Variants in STAM2 observed in about 807,000 individuals in gnomAD.
The protein encoded by STAM2 is signal transducing adapter molecule 2.
STAM2 carries 51 observed loss-of-function variants against 65.6 expected under a neutral mutation model. The ratio of observed to expected loss-of-function variants is 0.78; its 90% CI spans 0.62 to 0.98. The LOEUF (loss-of-function observed/expected upper bound fraction) is 0.98, where lower values mean the gene tolerates loss of function less well. STAM2 is among the 50% of genes least tolerant of loss of function. The pLI, the probability that STAM2 is intolerant of heterozygous loss-of-function variation, is 0.00. For missense variants in STAM2, 584 were observed against 617.8 expected (o/e 0.95, Z 0.58); for synonymous variants, 198 against 208.4 (o/e 0.95, Z 0.43).
At chr2:152,139,367 C>G (rs1689206213) in intron 7 of STAM2, among the ~76,000 whole-genome samples, 1 of 152,174 alleles carries the variant, frequency 6.6e-6, no homozygotes, top group African/African-American at 2.4e-5. Flanking sequence ...AGGCTAAGCA[C>G]TGAAATTACA....
chr2:152,161,983 C>T (rs753710969), intron 1 of STAM2, among the ~76,000 whole-genome samples: 9 of 152,134 alleles, frequency 5.9e-5, no homozygotes, highest in South Asian at 2.1e-4. Context: ...CCACCACACC[C>T]GGTTAATTCT....
chr2:152,175,697 T>C lies in STAM2; in HGVS notation c.-55A>G. The C allele has an allele frequency of 1.3e-6, 2 of 1,574,116 alleles. No individual in the cohort carries two copies. Among genetic ancestry groups the C allele is most frequent in the East Asian group, 2.4e-5 (1 of 42,474 alleles). ...TGTCTAGCTGACACTCAGCAACTGC[T>C]ACCCGCCGGGTGACCCGCGGCCGCG... On this transcript the variant is annotated 5_prime_UTR_variant, in exon 1 of 14. Coordinates refer to ENST00000263904, the MANE Select transcript of STAM2 (RefSeq NM_005843.6).
At chr2:152,158,104 T>C (rs1156450518) in intron 1 of STAM2, among the ~76,000 whole-genome samples, 10 of 152,140 alleles carry the variant, frequency 6.6e-5, no homozygotes, top group South Asian at 2.1e-4. Context: ...AATGCAAACA[T>C]TGGTGAATGC....
chr2:152,171,918 A>C (rs1164815729), intron 1 of STAM2, among the ~76,000 whole-genome samples: 1 of 152,246 alleles, frequency 6.6e-6, no homozygotes, highest in African/African-American at 2.4e-5. Flanking sequence ...CAAGAACCGG[A>C]GTTAAGGCTT....
chr2:152,153,881 T>TACAC (rs1365344105), intron 1 of STAM2, among the ~76,000 whole-genome samples: 5 of 83,402 alleles, frequency 6.0e-5, no homozygotes, highest in East Asian at 2.3e-4. Context: ...TTCCAGACAT[T>TACAC]ACATACACAC....
In STAM2 at chr2:152,135,543, A is replaced by C; in HGVS notation, c.765T>G (p.Phe255Leu). The C allele has an allele frequency of 6.2e-7, 1 of 1,612,870 alleles. No individual in the cohort carries two copies. Among genetic ancestry groups the C allele is most frequent in the Non-Finnish European group, 8.5e-7 (1 of 1,179,500 alleles). Residue 255 changes from phenylalanine to leucine, a missense_variant, in exon 8 of 14, where the codon TTT becomes TTG. Coordinates refer to ENST00000263904, the MANE Select transcript of STAM2 (RefSeq NM_005843.6). ...HRGIGLFPSN[F>L]VTTNLNIETE... Reference sequence around the variant, plus strand: ...TCTCTATGTTTAAATTAGTTGTTACAAAATTGGATGGGAAAAGTCCTATTC... The same window carrying C: ...TCTCTATGTTTAAATTAGTTGTTACCAAATTGGATGGGAAAAGTCCTATTC...
At chr2:152,166,160 C>T (rs1342802472) in intron 1 of STAM2, among the ~76,000 whole-genome samples, 2 of 150,490 alleles carry the variant, frequency 1.3e-5, no homozygotes, top group East Asian at 2.0e-4. Context: ...GGGGGCAGAG[C>T]AAGGCTCTGT....
rs2105521748 is a variant in STAM2 at position 152,117,055 on chromosome 2, T to C, written c.*3519A>G. On this transcript the variant is annotated 3_prime_UTR_variant, in exon 14 of 14. Transcript: ENST00000263904. ...CACATTGTGACATTCCAGGTGTACA[T>C]GAAATTTGGAGGGACACTATTCACT... is the stretch of plus-strand genomic sequence containing the variant. 6.6e-6 allele frequency: 1 copy of C among 152,256 alleles called. No homozygotes were observed. The highest frequency in any genetic ancestry group is 2.1e-4 in the South Asian group (1 of 4,828). The allele number at this position is 152,256 out of a possible 1,614,324, so 9.4% of individuals were successfully genotyped here. A position where few individuals can be genotyped will look rare whatever the true frequency, so the allele number is the denominator to read the frequency against.
intron 1 of STAM2, among the ~76,000 whole-genome samples, chr2:152,164,657 C>T (rs998213974): frequency 6.6e-6 from 1 of 152,112 alleles, no homozygotes; most frequent in South Asian, 2.1e-4. Context: ...ACTCCATTTA[C>T]TAAACCATAT....
intron 1 of STAM2, among the ~76,000 whole-genome samples, chr2:152,163,069 T>C (rs185149029): frequency 5.5e-4 from 84 of 152,350 alleles, no homozygotes; most frequent in Admixed American, 1.8e-3. Flanking sequence ...CAAATCACTA[T>C]ATTAAACTGC....
chr2:152,157,889 C>G (rs1689581510), intron 1 of STAM2, among the ~76,000 whole-genome samples: 1 of 152,278 alleles, frequency 6.6e-6, no homozygotes, highest in African/African-American at 2.4e-5. Context: ...CCTGACAGAA[C>G]AAAACTCAAC....
At chr2:152,165,092 A>G (rs1194628265) in intron 1 of STAM2, among the ~76,000 whole-genome samples, 2 of 152,138 alleles carry the variant, frequency 1.3e-5, no homozygotes, top group Non-Finnish European at 2.9e-5. Flanking sequence ...CCTATTAGGA[A>G]GCATAATGTG....
chr2:152,131,229 C>T (rs537966848), intron 11 of STAM2, among the ~76,000 whole-genome samples: 22 of 152,036 alleles, frequency 1.4e-4, no homozygotes, highest in Non-Finnish European at 2.4e-4. Flanking sequence ...CCAAGTTGGG[C>T]AGATTACAAG....
chr2:152,122,543 A>G (rs886133812), intron 13 of STAM2, among the ~76,000 whole-genome samples: 4 of 151,904 alleles, frequency 2.6e-5, no homozygotes, highest in African/African-American at 9.7e-5. Flanking sequence ...AGTGTTACCA[A>G]ACATAGCAAA....
At chr2:152,155,679 G>A (rs74602891) in intron 1 of STAM2, among the ~76,000 whole-genome samples, 2,637 of 152,238 alleles carry the variant, frequency 0.017, 68 homozygotes, top group African/African-American at 0.06. Flanking sequence ...TGTTTATGAT[G>A]CAGTTTTTGC....
intron 1 of STAM2, among the ~76,000 whole-genome samples, chr2:152,160,819 G>A (rs1439917275): frequency 1.4e-5 from 2 of 147,080 alleles, no homozygotes; most frequent in Non-Finnish European, 3.0e-5. Flanking sequence ...CGTCCGGGAA[G>A]GTGGTGGGGG....
At chr2:152,166,413 T>C (rs985768680) in intron 1 of STAM2, among the ~76,000 whole-genome samples, 1 of 152,226 alleles carries the variant, frequency 6.6e-6, no homozygotes, top group Non-Finnish European at 1.5e-5. Context: ...TTTATTTTGA[T>C]ATCTGGGTGA....
chr2:152,143,337 A>G (rs995071474), intron 7 of STAM2, among the ~76,000 whole-genome samples: 1 of 152,218 alleles, frequency 6.6e-6, no homozygotes, highest in Non-Finnish European at 1.5e-5. Flanking sequence ...AAAGTACAGA[A>G]CAGTATTAAG....
intron 13 of STAM2, among the ~76,000 whole-genome samples, chr2:152,122,225 T>G (rs1224354257): frequency 6.6e-6 from 1 of 151,812 alleles, no homozygotes; most frequent in African/African-American, 2.4e-5. Context: ...CAGCCTGCTT[T>G]GAGACCAGCC....
Sources: gnomAD v4.1 joint callset for allele counts (sites outside exome capture counted in the v4.1 genomes callset) on GRCh38, gnomAD v4.1.1 for gene constraint, MANE v1.5 for transcripts, NCBI Gene and HGNC (gene_info 2026-07-23, HGNC 2026-07-21) for gene names.